XPR1: variants seen among roughly 807,000 people sequenced by gnomAD.
XPR1 encodes xenotropic and polytropic retrovirus receptor 1.
XPR1 carries 28 observed loss-of-function variants against 87.5 expected under a neutral mutation model. That is an observed-to-expected ratio of 0.32 (90% CI 0.24 to 0.44). XPR1 has a LOEUF of 0.44. XPR1 is among the 20% of genes least tolerant of loss of function. XPR1 has a pLI of 1.00. For missense variants in XPR1, 559 were observed against 862.3 expected, an observed-to-expected ratio of 0.65 and a Z score of 4.41; for synonymous variants, 300 against 306.1, an observed-to-expected ratio of 0.98 and a Z score of 0.21.
chr1:180,856,764 A>G (rs758686338), intron 11 of XPR1, among the ~76,000 whole-genome samples: 12 of 152,172 alleles, frequency 7.9e-5, no homozygotes, highest in Non-Finnish European at 1.3e-4. Flanking sequence ...CCTTAAACTT[A>G]TACTCAATTC....
intron 1 of XPR1, among the ~76,000 whole-genome samples, chr1:180,657,777 T>A (rs1490603684): frequency 6.6e-6 from 1 of 152,216 alleles, no homozygotes; most frequent in Non-Finnish European, 1.5e-5. Flanking sequence ...CTGAGTCTTT[T>A]ATGGTTTCAT....
At chr1:180,728,688 C>T (rs1010613239) in intron 2 of XPR1, among the ~76,000 whole-genome samples, 1 of 152,172 alleles carries the variant, frequency 6.6e-6, no homozygotes, top group African/African-American at 2.4e-5. Flanking sequence ...AATGGAAGCT[C>T]AGAGACCTTA....
At chr1:180,860,425 G>T (rs1400588267) in intron 11 of XPR1, among the ~76,000 whole-genome samples, 2 of 151,928 alleles carry the variant, frequency 1.3e-5, no homozygotes, top group Admixed American at 6.6e-5. Flanking sequence ...GACTTTTTTG[G>T]AATTGTCAAA....
At chr1:180,779,766 T>C (rs1352344870) in intron 2 of XPR1, among the ~76,000 whole-genome samples, 1 of 152,000 alleles carries the variant, frequency 6.6e-6, no homozygotes, top group African/African-American at 2.4e-5. Context: ...TTCTAATATA[T>C]TCACAAGTTT....
chr1:180,735,159 G>C (rs1170172792), intron 2 of XPR1, among the ~76,000 whole-genome samples: 1 of 152,144 alleles, frequency 6.6e-6, no homozygotes, highest in Admixed American at 6.5e-5. Flanking sequence ...GAATGTGTCT[G>C]TTCTGTATTT....
At chr1:180,857,797 A>T (rs1379941574) in intron 11 of XPR1, among the ~76,000 whole-genome samples, 1 of 152,176 alleles carries the variant, frequency 6.6e-6, no homozygotes, top group Non-Finnish European at 1.5e-5. Context: ...AAGCAAGCAG[A>T]TGTTTTTTTG....
intron 2 of XPR1, among the ~76,000 whole-genome samples, chr1:180,765,937 A>G (rs558471375): frequency 2.0e-5 from 3 of 152,142 alleles, no homozygotes; most frequent in South Asian, 2.1e-4. Context: ...TCAAGAAGAC[A>G]GTCAGTTCTT....
rs1261356449 is a variant in XPR1 at position 180,884,084 on chromosome 1, T to C, written c.*18T>C. On this transcript the variant is annotated 3_prime_UTR_variant, in exon 15 of 15. Transcript: ENST00000367590. Reference sequence around the variant, plus strand: ...ACACTTGAATTTTCTGAAGTCTAGCTTAACATCTTTGGTTTTCCTACTCTA... The same window carrying C: ...ACACTTGAATTTTCTGAAGTCTAGCCTAACATCTTTGGTTTTCCTACTCTA... 1 of 1,612,850 alleles carries C rather than the reference T, an allele frequency of 6.2e-7. No individual in the cohort carries two copies. The highest frequency in any genetic ancestry group is 8.5e-7 in the Non-Finnish European group (1 of 1,179,030).
intron 2 of XPR1, among the ~76,000 whole-genome samples, chr1:180,736,721 A>C (rs943843086): frequency 6.6e-6 from 1 of 152,246 alleles, no homozygotes; most frequent in Non-Finnish European, 1.5e-5. Flanking sequence ...ACACATAAAC[A>C]CTTGTAAGAC....
At chr1:180,741,142 C>T (rs1054815993) in intron 2 of XPR1, among the ~76,000 whole-genome samples, 6 of 152,048 alleles carry the variant, frequency 3.9e-5, no homozygotes, top group Non-Finnish European at 5.9e-5. Flanking sequence ...TTGATCCCCT[C>T]CTTGAAGTTA....
intron 11 of XPR1, among the ~76,000 whole-genome samples, chr1:180,848,845 A>G (rs1473284542): frequency 1.3e-5 from 2 of 152,204 alleles, no homozygotes; most frequent in Non-Finnish European, 2.9e-5. Flanking sequence ...TTAAAAGAAT[A>G]ATATACCATG....
At chr1:180,818,348 A>G (rs1650489405) in intron 7 of XPR1, among the ~76,000 whole-genome samples, 8 of 149,538 alleles carry the variant, frequency 5.3e-5, no homozygotes, top group Admixed American at 5.3e-4. Flanking sequence ...TTTTTTAAAC[A>G]GGTACATATT....
At chr1:180,788,841 T>C (rs1649275452) in intron 3 of XPR1, among the ~76,000 whole-genome samples, 1 of 152,218 alleles carries the variant, frequency 6.6e-6, no homozygotes, top group South Asian at 2.1e-4. Flanking sequence ...CAGGTATTAG[T>C]GTGAATTAGT....
At chr1:180,674,811 C>G (rs1029972653) in intron 1 of XPR1, among the ~76,000 whole-genome samples, 4 of 152,152 alleles carry the variant, frequency 2.6e-5, no homozygotes, top group Admixed American at 2.6e-4. Context: ...GAGACAAGTA[C>G]TTGTAGAATT....
chr1:180,829,439 C>G (rs542449489), intron 9 of XPR1, among the ~76,000 whole-genome samples: 1 of 152,218 alleles, frequency 6.6e-6, no homozygotes, highest in South Asian at 2.1e-4. Context: ...TCCCAGAAGG[C>G]GATATCAGAT....
At chr1:180,713,877 C>G (rs1657891115) in intron 2 of XPR1, among the ~76,000 whole-genome samples, 1 of 151,994 alleles carries the variant, frequency 6.6e-6, no homozygotes, top group African/African-American at 2.4e-5. Context: ...ATGTTTACCT[C>G]ATAGAATGAG....
At chr1:180,704,527 AT>A (rs138405658) in intron 2 of XPR1, among the ~76,000 whole-genome samples, 6,504 of 150,988 alleles carry the variant, frequency 0.043, 501 homozygotes, top group African/African-American at 0.15. Flanking sequence ...ATTCTGTAAC[AT>A]TTTTCCAAAG....
In XPR1 at chr1:180,708,921, G is replaced by A. The variant is rs1355284397; in HGVS notation, c.121+26510G>A. Among the ~76,000 whole-genome samples the A allele has an allele frequency of 7.5e-5, 7 of 92,874 alleles. No homozygotes were observed. In the South Asian group the frequency reaches 1.4e-3, roughly 18 times the overall value. The allele number at this position is 92,874 out of a possible 152,430, so 60.9% of individuals were successfully genotyped here. On this transcript the variant is annotated intron_variant, in intron 2 of 14. Coordinates refer to ENST00000367590, the MANE Select transcript of XPR1 (RefSeq NM_004736.4). ...TTTTTTTTTTTTTTGGGGGGGGGGG[G>A]GCGGGGGCGGGGACAAGTCTCGCTC...
chr1:180,682,833 CGTGTGTGTGTGT>C (rs571473950), intron 2 of XPR1, among the ~76,000 whole-genome samples: 1 of 146,150 alleles, frequency 6.8e-6, no homozygotes, highest in African/African-American at 2.5e-5. Context: ...TGTGTGTGTG[CGTGTGTGTGTGT>C]GTGTGTGTAA....
Sources: gnomAD v4.1 joint callset for allele counts (sites outside exome capture counted in the v4.1 genomes callset) on GRCh38, gnomAD v4.1.1 for gene constraint, MANE v1.5 for transcripts, NCBI Gene and HGNC (gene_info 2026-07-23, HGNC 2026-07-21) for gene names.